USP53: variants seen among roughly 807,000 people sequenced by gnomAD.
USP53 encodes the protein ubiquitin specific peptidase 53, also known as ubiquitin carboxyl-terminal hydrolase 53.
USP53 carries 71 observed loss-of-function variants against 94.9 expected under a neutral mutation model. That is an observed-to-expected ratio of 0.75 (90% CI 0.62 to 0.91). USP53 has a LOEUF of 0.91. Among genes scored for constraint, USP53 ranks in the 40% least tolerant of loss-of-function variants. The pLI is 0.00. For synonymous variants in USP53, 375 were observed against 422.7 expected, an observed-to-expected ratio of 0.89 and a Z score of 1.39; for missense variants, 1,173 against 1,281.0, an observed-to-expected ratio of 0.92 and a Z score of 1.29.
At position 119,261,701 on chromosome 4, in the gene USP53, A is replaced by G. The variant is rs1242329824; in HGVS notation, c.823-14A>G. The G allele has an allele frequency of 1.6e-5, 25 of 1,559,038 alleles. No individual in the cohort carries two copies. Among genetic ancestry groups the G allele is most frequent in the Non-Finnish European group, 2.2e-5 (25 of 1,142,618 alleles). ...ATGTAGTGTTAAGTGTACATTACCA[A>G]TTTTTTTAAACAGCTTTTTTATAGA... is the stretch of plus-strand genomic sequence containing the variant. On this transcript the variant is annotated splice_polypyrimidine_tract_variant and intron_variant, in intron 11 of 18. Coordinates refer to ENST00000692078, the MANE Select transcript of USP53 (RefSeq NM_001371395.1).
upstream of USP53, chr4:119,212,645 G>A: frequency 2.7e-6 from 1 of 365,700 alleles, no homozygotes; most frequent in South Asian, 2.0e-5. Context: ...CCTGGGTATT[G>A]GGGCGTATGC....
At chr4:119,259,774 G>A (rs1750261525) in intron 9 of USP53, 46 bp from the exon 10 acceptor site, 3 of 1,493,622 alleles carry the variant, frequency 2.0e-6, no homozygotes, top group Non-Finnish European at 2.8e-6. Context: ...ATTTATTAAA[G>A]TTTTAAGTTC....
intron 17 of USP53, among the ~76,000 whole-genome samples, chr4:119,288,732 T>C (rs568155745): frequency 3.3e-5 from 5 of 151,806 alleles, no homozygotes; most frequent in Non-Finnish European, 7.4e-5. Flanking sequence ...AGGTTTGGAG[T>C]TCGAGACCAG....
chr4:119,263,786 G>A (rs1750782299), intron 12 of USP53, among the ~76,000 whole-genome samples: 1 of 152,018 alleles, frequency 6.6e-6, no homozygotes, highest in Non-Finnish European at 1.5e-5. Context: ...TTAAAACAAG[G>A]CCGGGCTGGT....
intron 3 of USP53, among the ~76,000 whole-genome samples, chr4:119,233,149 C>T (rs1279158577): frequency 2.0e-5 from 3 of 148,168 alleles, no homozygotes; most frequent in Admixed American, 6.7e-5. Context: ...TTAACAATTT[C>T]GTTAGTGTTT....
At position 119,227,300 on chromosome 4, in the gene USP53, A is replaced by ACACACACACACACACACACAC. The variant is rs1442892298; in HGVS notation, c.-664-7990_-664-7989insCACACACACACACACACACAC. 4.5e-3 allele frequency among the ~76,000 whole-genome samples: 197 copies of ACACACACACACACACACACAC among 43,918 alleles called. 1 individual carries two copies. Among genetic ancestry groups the ACACACACACACACACACACAC allele is most frequent in the African/African-American group, 0.014 (128 of 9,474 alleles). The allele number at this position is 43,918 out of a possible 152,430, so 28.8% of individuals were successfully genotyped here. A position where few individuals can be genotyped will look rare whatever the true frequency, so the allele number is the denominator to read the frequency against. On this transcript the variant is annotated intron_variant, in intron 3 of 18. Transcript: ENST00000692078. ...ACACACACACACACACACACACACA[A>ACACACACACACACACACACAC]ACTTGAAATGAATCATAGAGCTAAC...
At chr4:119,256,118 C>G in intron 7 of USP53, 128 bp from the exon 8 acceptor site, 1 of 629,024 alleles carries the variant, frequency 1.6e-6, no homozygotes. Flanking sequence ...GAGAGGAAAG[C>G]TGAAAAGCTA....
chr4:119,267,644 C>A (rs1221591513), intron 13 of USP53, among the ~76,000 whole-genome samples, 162 bp downstream of exon 13: 1 of 152,132 alleles, frequency 6.6e-6, no homozygotes, highest in African/African-American at 2.4e-5. Context: ...TTGGAATGAA[C>A]CTTTTCTCAT....
rs942352599 is a variant in USP53, at chr4:119,279,686, G to T, written c.2251+5978G>T. Among the ~76,000 whole-genome samples the T allele has an allele frequency of 3.3e-5, 5 of 152,242 alleles. No homozygotes were observed. The South Asian group carries it at 1.0e-3, about 32-fold the overall frequency. On this transcript the variant is annotated intron_variant, in intron 17 of 18. Coordinates refer to ENST00000692078, the MANE Select transcript of USP53 (RefSeq NM_001371395.1). Reference sequence around the variant, plus strand: ...TAAGCAAGCCTGGGCAATGGCGGGCGCCCCTCCCCCAGCCTCGCTGTCGCC... The same window carrying T: ...TAAGCAAGCCTGGGCAATGGCGGGCTCCCCTCCCCCAGCCTCGCTGTCGCC...
intron 6 of USP53, among the ~76,000 whole-genome samples, chr4:119,246,235 CTA>C (rs1411695035): frequency 6.6e-6 from 1 of 152,166 alleles, no homozygotes; most frequent in African/African-American, 2.4e-5. Flanking sequence ...GTCAAATAGA[CTA>C]TGGCAGAACT....
At chr4:119,250,333 T>G (rs576268347) in intron 7 of USP53, among the ~76,000 whole-genome samples, 1 of 152,202 alleles carries the variant, frequency 6.6e-6, no homozygotes, top group Non-Finnish European at 1.5e-5. Context: ...ATCCATTCTC[T>G]GTAGAATTTA....
At chr4:119,268,140 G>T in intron 13 of USP53, 128 bp from the exon 14 acceptor site, 3 of 950,226 alleles carry the variant, frequency 3.2e-6, no homozygotes, top group Non-Finnish European at 4.4e-6. Flanking sequence ...GCAGTCCGCA[G>T]TCCGGCCTGG....
chr4:119,247,856 C>T (rs1201450852), intron 6 of USP53, among the ~76,000 whole-genome samples: 1 of 152,038 alleles, frequency 6.6e-6, no homozygotes, highest in East Asian at 1.9e-4. Flanking sequence ...AATTATAGTT[C>T]TGGGTATCTA....
intron 12 of USP53, among the ~76,000 whole-genome samples, chr4:119,264,645 A>T (rs560437498): frequency 5.9e-5 from 9 of 152,378 alleles, no homozygotes; most frequent in Non-Finnish European, 1.3e-4. Context: ...TCTAGTACTC[A>T]TCTGTTGTAA....
intron 6 of USP53, among the ~76,000 whole-genome samples, chr4:119,247,577 A>G (rs573036919): frequency 6.6e-6 from 1 of 152,280 alleles, no homozygotes; most frequent in East Asian, 1.9e-4. Flanking sequence ...TTCTGATGTT[A>G]TATAATTACT....
intron 18 of USP53, 89 bp from the exon 19 acceptor site, chr4:119,292,249 A>G: frequency 1.5e-6 from 2 of 1,357,808 alleles, no homozygotes; most frequent in Non-Finnish European, 2.0e-6. Context: ...ATTTTGGGAA[A>G]ATCAAACTAC....
chr4:119,247,883 G>GT (rs1277061708), intron 6 of USP53, among the ~76,000 whole-genome samples: 1 of 151,796 alleles, frequency 6.6e-6, no homozygotes, highest in African/African-American at 2.4e-5. Context: ...GATGACATCT[G>GT]TTTTTTTATT....
At chr4:119,236,269 A>G (rs868520246) in intron 4 of USP53, among the ~76,000 whole-genome samples, 1 of 152,242 alleles carries the variant, frequency 6.6e-6, no homozygotes, top group South Asian at 2.1e-4. Context: ...TATCTTATTT[A>G]AAAACTATTG....
At chr4:119,252,484 T>G (rs1340255553) in intron 7 of USP53, among the ~76,000 whole-genome samples, 2 of 152,200 alleles carry the variant, frequency 1.3e-5, no homozygotes, top group African/African-American at 2.4e-5. Context: ...GTCCAGAAAT[T>G]TATCCATTTC....
Sources: gnomAD v4.1 joint callset for allele counts (sites outside exome capture counted in the v4.1 genomes callset) on GRCh38, gnomAD v4.1.1 for gene constraint, MANE v1.5 for transcripts, NCBI Gene and HGNC (gene_info 2026-07-23, HGNC 2026-07-21) for gene names.